Variants in JARID2 observed in about 807,000 individuals in gnomAD.
JARID2 encodes protein Jumonji.
JARID2 carries 21 observed loss-of-function variants against 125.6 expected under a neutral mutation model. That is an observed-to-expected ratio of 0.17 (90% confidence interval 0.12 to 0.24). The LOEUF is 0.24. Ranked by LOEUF, JARID2 falls within the 10% of genes least tolerant of loss-of-function variation. JARID2 has a pLI of 1.00. For synonymous variants in JARID2, 736 were observed against 661.6 expected (o/e 1.11, Z -1.73); for missense variants, 1,303 against 1,639.6 (o/e 0.79, Z 3.55).
At chr6:15,356,850 A>G (rs903745678) in intron 1 of JARID2, among the ~76,000 whole-genome samples, 1 of 151,996 alleles carries the variant, frequency 6.6e-6, no homozygotes, top group East Asian at 1.9e-4. Context: ...CCCCATCTCT[A>G]TTAAAAATAC....
intron 1 of JARID2, among the ~76,000 whole-genome samples, chr6:15,272,416 C>T (rs780399873): frequency 5.3e-5 from 8 of 152,226 alleles, no homozygotes; most frequent in Non-Finnish European, 8.8e-5. Flanking sequence ...CTATCCTGAA[C>T]TCACCTTGAA....
chr6:15,298,368 T>C (rs980349016), intron 1 of JARID2, among the ~76,000 whole-genome samples: 1 of 152,078 alleles, frequency 6.6e-6, no homozygotes, highest in Non-Finnish European at 1.5e-5. Context: ...AGAGCACTCA[T>C]TGCTACAGTG....
intron 3 of JARID2, among the ~76,000 whole-genome samples, chr6:15,450,157 A>T (rs1229584305): frequency 6.6e-6 from 1 of 151,950 alleles, no homozygotes; most frequent in Non-Finnish European, 1.5e-5. Flanking sequence ...TCTTTTACTT[A>T]CTTAGTTTTT....
At chr6:15,335,558 C>A (rs998311320) in intron 1 of JARID2, among the ~76,000 whole-genome samples, 5 of 152,196 alleles carry the variant, frequency 3.3e-5, no homozygotes, top group African/African-American at 1.2e-4. Flanking sequence ...TGCCATCATT[C>A]ATTCTTTGTT....
chr6:15,451,059 A>T (rs901255891), intron 3 of JARID2, among the ~76,000 whole-genome samples: 3 of 152,216 alleles, frequency 2.0e-5, no homozygotes, highest in African/African-American at 7.2e-5. Flanking sequence ...GCTACTCAGG[A>T]GGCTGAGGTA....
At position 15,450,040 on chromosome 6, in the gene JARID2, T is replaced by A. The variant is rs569894205; in HGVS notation, c.324-1966T>A. 6.1e-3 allele frequency among the ~76,000 whole-genome samples: 927 copies of A among 151,570 alleles called. 13 individuals carry two copies. Among genetic ancestry groups the A allele is most frequent in the African/African-American group, 0.021 (871 of 41,274 alleles). On this transcript the variant is annotated intron_variant, in intron 3 of 17. Transcript: ENST00000341776. ...TGTAGGAATTTGTTAAATAGTATAA[T>A]TTTTTTTTAAATGTTACAGCATTTT...
At chr6:15,474,931 A>G (rs1769267601) in intron 5 of JARID2, among the ~76,000 whole-genome samples, 3 of 152,310 alleles carry the variant, frequency 2.0e-5, no homozygotes, top group Admixed American at 6.5e-5. Flanking sequence ...CCTCCAAGCA[A>G]AGGCTGAGTT....
At chr6:15,413,462 AG>A (rs1466109890) in intron 3 of JARID2, among the ~76,000 whole-genome samples, 1 of 152,214 alleles carries the variant, frequency 6.6e-6, no homozygotes, top group African/African-American at 2.4e-5. Context: ...TTAGAAATAC[AG>A]AAATTTATTG....
chr6:15,451,402 G>T (rs1347893192), intron 3 of JARID2, among the ~76,000 whole-genome samples: 1 of 152,186 alleles, frequency 6.6e-6, no homozygotes, highest in African/African-American at 2.4e-5. Flanking sequence ...CAGAATTTGG[G>T]ATTGGAGGGG....
At chr6:15,400,436 G>A (rs958301339) in intron 2 of JARID2, among the ~76,000 whole-genome samples, 5 of 151,794 alleles carry the variant, frequency 3.3e-5, no homozygotes, top group Non-Finnish European at 7.4e-5. Flanking sequence ...TATTAAAAAG[G>A]GATGCCATTG....
At chr6:15,429,937 C>A (rs1766899978) in intron 3 of JARID2, among the ~76,000 whole-genome samples, 1 of 152,152 alleles carries the variant, frequency 6.6e-6, no homozygotes, top group Non-Finnish European at 1.5e-5. Flanking sequence ...TTTCTAGCCT[C>A]ACAGCAGGCT....
chr6:15,448,313 G>A (rs1483052035), intron 3 of JARID2, among the ~76,000 whole-genome samples: 2 of 152,172 alleles, frequency 1.3e-5, no homozygotes, highest in African/African-American at 2.4e-5. Context: ...AGCATTGGTA[G>A]GAGCAGTTTA....
intron 16 of JARID2, among the ~76,000 whole-genome samples, chr6:15,515,550 C>G (rs189180878): frequency 1.3e-5 from 2 of 152,208 alleles, no homozygotes; most frequent in Admixed American, 1.3e-4. Flanking sequence ...CTTCGGGAGG[C>G]AATGGTGGGC....
chr6:15,362,291 G>T (rs931904509), intron 1 of JARID2, among the ~76,000 whole-genome samples: 1 of 152,154 alleles, frequency 6.6e-6, no homozygotes, highest in African/African-American at 2.4e-5. Context: ...AATACAGAAC[G>T]AACAGCCAGC....
chr6:15,472,456 A>T (rs906768872), intron 5 of JARID2, among the ~76,000 whole-genome samples: 3 of 152,196 alleles, frequency 2.0e-5, no homozygotes, highest in Admixed American at 2.0e-4. Context: ...ATCCCTGAGC[A>T]GCTGGCTTAT....
intron 1 of JARID2, among the ~76,000 whole-genome samples, chr6:15,281,910 C>T (rs1760764073): frequency 6.8e-6 from 1 of 147,982 alleles, no homozygotes; most frequent in Admixed American, 6.9e-5. Context: ...AGTGCAGGGT[C>T]CAGGGTATGT....
At chr6:15,378,700 G>A (rs1198180062) in intron 2 of JARID2, among the ~76,000 whole-genome samples, 1 of 152,176 alleles carries the variant, frequency 6.6e-6, no homozygotes, top group Non-Finnish European at 1.5e-5. Flanking sequence ...CTTTGCAATA[G>A]GAATATTGAA....
chr6:15,518,185 C>G (rs1034936437), intron 17 of JARID2, among the ~76,000 whole-genome samples: 12 of 152,246 alleles, frequency 7.9e-5, no homozygotes, highest in African/African-American at 2.9e-4. Context: ...GCCTTTGCGG[C>G]TGAGCACGAG....
chr6:15,300,683 TTGTGTGTGTGTGTGTGTGTGTG>T (rs35433395), intron 1 of JARID2, among the ~76,000 whole-genome samples: 1 of 114,404 alleles, frequency 8.7e-6, no homozygotes, highest in East Asian at 2.9e-4. Context: ...TGTCCTCATG[TTGTGTGTGTGTGTGTGTGTGTG>T]TGTGTGTGTG....
Sources: allele counts gnomAD v4.1 joint callset (sites outside exome capture counted in the v4.1 genomes callset), GRCh38; gene constraint gnomAD v4.1.1; transcripts MANE v1.5; gene names NCBI Gene and HGNC (gene_info 2026-07-23, HGNC 2026-07-21).